MALRD1: variants seen among roughly 807,000 people sequenced by gnomAD.
MALRD1 encodes the protein MAM and LDL receptor class A domain containing 1, also known as MAM and LDL-receptor class A domain-containing protein 1.
In MALRD1, 247 loss-of-function variants were observed where a neutral mutation model predicts 242.1. That is an observed-to-expected ratio of 1.02 (90% confidence interval 0.92 to 1.13). The LOEUF is 1.13. Ranked by LOEUF, MALRD1 falls within the 50% of genes most tolerant of loss-of-function variation. The probability of loss-of-function intolerance (pLI) is 0.00; values close to 1 mark genes in which losing one functional copy is unlikely to be tolerated. For missense variants in MALRD1, 2,989 were observed against 2,533.1 expected (o/e 1.18, Z -3.86); for synonymous variants, 995 against 866.6 (o/e 1.15, Z -2.60).
chr10:19,573,219 A>G (rs1470613981), intron 33 of MALRD1, among the ~76,000 whole-genome samples: 1 of 152,174 alleles, frequency 6.6e-6, no homozygotes, highest in Non-Finnish European at 1.5e-5. Flanking sequence ...CCCCAGGTCA[A>G]GGTGGTTGGA....
intron 21 of MALRD1, among the ~76,000 whole-genome samples, chr10:19,295,481 G>T (rs1183887839): frequency 2.0e-5 from 3 of 151,848 alleles, no homozygotes; most frequent in African/African-American, 7.3e-5. Context: ...GTGTGTGTGT[G>T]TGTGTCCTGT....
chr10:19,258,711 T>A (rs1839621733), intron 19 of MALRD1, among the ~76,000 whole-genome samples: 1 of 152,098 alleles, frequency 6.6e-6, no homozygotes, highest in African/African-American at 2.4e-5. Flanking sequence ...TCGATTGGTG[T>A]TACCACTGTG....
chr10:19,605,854 G>A (rs1279370783), intron 34 of MALRD1, among the ~76,000 whole-genome samples: 1 of 151,790 alleles, frequency 6.6e-6, no homozygotes, highest in African/African-American at 2.4e-5. Context: ...TATGATTCTG[G>A]TCATTCATTT....
At chr10:19,125,174 G>A (rs993110085) in intron 7 of MALRD1, among the ~76,000 whole-genome samples, 2 of 151,782 alleles carry the variant, frequency 1.3e-5, no homozygotes, top group African/African-American at 4.8e-5. Context: ...TCAAACTCCT[G>A]ACCTCAAGTG....
At chr10:19,687,097 GA>G (rs1233759960) in intron 36 of MALRD1, among the ~76,000 whole-genome samples, 1 of 151,392 alleles carries the variant, frequency 6.6e-6, no homozygotes, top group Non-Finnish European at 1.5e-5. Flanking sequence ...CCTATAATAA[GA>G]TGGCCAAAGT....
In MALRD1 at chr10:19,215,728, T is replaced by TGAGTTTATTTTGCTGCC. The variant is rs1564473159; in HGVS notation, c.2991+6048_2991+6049insGAGTTTATTTTGCTGCC. Reference sequence around the variant, plus strand: ...GCAGACGTGCTATAATAAATTAGTATAAATAATTTAGTATAAATAATAATT... The same window carrying TGAGTTTATTTTGCTGCC: ...GCAGACGTGCTATAATAAATTAGTATGAGTTTATTTTGCTGCCAAATAATTTAGTATAAATAATAATT... On this transcript the variant is annotated intron_variant, in intron 18 of 39. Transcript: ENST00000454679. Among the ~76,000 whole-genome samples the TGAGTTTATTTTGCTGCC allele has an allele frequency of 1.0e-3, 119 of 115,552 alleles. 18 individuals carry two copies. Among genetic ancestry groups the TGAGTTTATTTTGCTGCC allele is most frequent in the Admixed American group, 2.0e-3 (21 of 10,680 alleles). The allele number at this position is 115,552 out of a possible 152,430, so 75.8% of individuals were successfully genotyped here. A position where few individuals can be genotyped will look rare whatever the true frequency, so the allele number is the denominator to read the frequency against.
chr10:19,442,309 A>T (rs1204020349), intron 28 of MALRD1, among the ~76,000 whole-genome samples: 1 of 152,094 alleles, frequency 6.6e-6, no homozygotes, highest in African/African-American at 2.4e-5. Context: ...TTTTTTCCTA[A>T]TTGAATACCC....
At chr10:19,447,067 CAG>C (rs1398597058) in intron 28 of MALRD1, among the ~76,000 whole-genome samples, 15 of 77,502 alleles carry the variant, frequency 1.9e-4, no homozygotes, top group South Asian at 6.8e-4. Context: ...CACACATACA[CAG>C]ACACACACAC....
At chr10:19,656,466 T>C (rs1307085426) in intron 36 of MALRD1, among the ~76,000 whole-genome samples, 2 of 152,156 alleles carry the variant, frequency 1.3e-5, no homozygotes, top group African/African-American at 4.8e-5. Flanking sequence ...TTAAATATGA[T>C]TTAGAATAAT....
chr10:19,153,416 T>A (rs1834012547), intron 11 of MALRD1, among the ~76,000 whole-genome samples: 1 of 152,200 alleles, frequency 6.6e-6, no homozygotes, highest in Non-Finnish European at 1.5e-5. Context: ...ATATTTGTTT[T>A]TTAAAAATTA....
At chr10:19,148,854 T>C (rs1000812440) in intron 11 of MALRD1, among the ~76,000 whole-genome samples, 1 of 147,452 alleles carries the variant, frequency 6.8e-6, no homozygotes, top group African/African-American at 2.5e-5. Context: ...ATTGCCATGA[T>C]CAAACCTTAA....
At chr10:19,174,834 G>C (rs1835161703) in intron 13 of MALRD1, among the ~76,000 whole-genome samples, 1 of 151,928 alleles carries the variant, frequency 6.6e-6, no homozygotes. Flanking sequence ...ATTGCCTTCA[G>C]CACACTGATT....
intron 26 of MALRD1, among the ~76,000 whole-genome samples, chr10:19,381,537 A>G (rs1845837356): frequency 6.6e-6 from 1 of 151,908 alleles, no homozygotes; most frequent in African/African-American, 2.4e-5. Flanking sequence ...TCATTGAAAA[A>G]TGGGTTATGG....
intron 24 of MALRD1, among the ~76,000 whole-genome samples, chr10:19,341,694 A>G (rs1002954511): frequency 1.3e-5 from 2 of 151,946 alleles, no homozygotes; most frequent in Non-Finnish European, 2.9e-5. Context: ...GGGTAGTCAT[A>G]GAAATTCTCA....
chr10:19,693,953 C>A (rs1448717080), intron 38 of MALRD1, among the ~76,000 whole-genome samples: 1 of 152,044 alleles, frequency 6.6e-6, no homozygotes, highest in African/African-American at 2.4e-5. Flanking sequence ...TTTGACAAAC[C>A]TGACAAAAAC....
intron 19 of MALRD1, among the ~76,000 whole-genome samples, chr10:19,270,840 A>ACACG (rs1304080419): frequency 6.6e-6 from 1 of 150,848 alleles, no homozygotes; most frequent in African/African-American, 2.4e-5. Context: ...ACACACACAC[A>ACACG]CACGCACACA....
chr10:19,399,461 G>A (rs1445303554), intron 28 of MALRD1, among the ~76,000 whole-genome samples: 1 of 152,088 alleles, frequency 6.6e-6, no homozygotes, highest in East Asian at 1.9e-4. Flanking sequence ...TGCAATACAT[G>A]CTCCAACCAA....
At chr10:19,073,116 T>C (rs1158472888) in intron 2 of MALRD1, among the ~76,000 whole-genome samples, 1 of 152,112 alleles carries the variant, frequency 6.6e-6, no homozygotes, top group Non-Finnish European at 1.5e-5. Flanking sequence ...GATTTCACCA[T>C]GTTGGCCAGA....
chr10:19,697,536 A>G (rs1302227029), intron 38 of MALRD1, among the ~76,000 whole-genome samples: 1 of 152,168 alleles, frequency 6.6e-6, no homozygotes, highest in Non-Finnish European at 1.5e-5. Context: ...CCAAGTTAAC[A>G]CAAAAAGTTT....
Sources: allele counts gnomAD v4.1 joint callset (sites outside exome capture counted in the v4.1 genomes callset), GRCh38; gene constraint gnomAD v4.1.1; transcripts MANE v1.5; gene names NCBI Gene and HGNC (gene_info 2026-07-23, HGNC 2026-07-21).